CNBD2: variants seen among roughly 807,000 people sequenced by gnomAD.
CNBD2 encodes cyclic nucleotide binding domain containing 2.
Under a neutral mutation model 63.7 loss-of-function variants are expected in CNBD2, and 64 were observed. The observed-to-expected ratio is 1.00, with a 90% CI of 0.82 to 1.24. The LOEUF is 1.24. Among genes scored for constraint, CNBD2 ranks in the 50% most tolerant of loss-of-function variants. The probability of loss-of-function intolerance (pLI) is 0.00; values close to 1 mark genes in which losing one functional copy is unlikely to be tolerated. For synonymous variants in CNBD2, 229 were observed against 255.4 expected (o/e 0.90, Z 0.99); for missense variants, 691 against 713.5 (o/e 0.97, Z 0.36).
chr20:36,027,276 A>T (rs2057293424), intron 11 of CNBD2, among the ~76,000 whole-genome samples: 1 of 152,158 alleles, frequency 6.6e-6, no homozygotes, highest in African/African-American at 2.4e-5. Context: ...CCAATGGTAG[A>T]GAAAGGGGGT....
At chr20:36,009,948 G>C (rs957999819) in intron 9 of CNBD2, among the ~76,000 whole-genome samples, 2 of 151,524 alleles carry the variant, frequency 1.3e-5, no homozygotes, top group Non-Finnish European at 2.9e-5. Flanking sequence ...GAAAACCAAG[G>C]TACGGGGAGA....
Position 35,995,110 on chromosome 20 carries a change from C to T in CNBD2, c.928C>T (p.Leu310=), listed in dbSNP as rs968709746. Reference sequence around the variant, plus strand: ...CTACCGTAGATGGATCTGGCAGCACCTGGAGCTGATAGATGGCAGACCTCT... The same window carrying T: ...CTACCGTAGATGGATCTGGCAGCACTTGGAGCTGATAGATGGCAGACCTCT... ...PSYRRWIWQH[L]ELIDGRPLKT... is the part of the protein sequence containing the mutation. The change falls in exon 8 of 12, where the codon CTG becomes TTG. Residue 310 remains leucine (L), a synonymous_variant. Transcript: ENST00000373973. 1.1e-5 allele frequency: 17 copies of T among 1,613,962 alleles called. No individual in the cohort carries two copies. Among genetic ancestry groups the T allele is most frequent in the Admixed American group, 1.7e-5 (1 of 59,990 alleles).
chr20:35,962,257 CTTTTTTTT>C (rs917656604), intron 2 of CNBD2, among the ~76,000 whole-genome samples: 242 of 131,536 alleles, frequency 1.8e-3, no homozygotes, highest in African/African-American at 6.6e-3. Flanking sequence ...TCCCTGCAGT[CTTTTTTTT>C]TTTTTTTTTT....
intron 2 of CNBD2, among the ~76,000 whole-genome samples, chr20:35,963,211 C>T (rs2056321225): frequency 6.6e-6 from 1 of 151,596 alleles, no homozygotes; most frequent in Non-Finnish European, 1.5e-5. Context: ...CATGGTGGTG[C>T]ACACCTGTGG....
chr20:35,989,147 T>C (rs1030117938), intron 7 of CNBD2, among the ~76,000 whole-genome samples: 3 of 152,128 alleles, frequency 2.0e-5, no homozygotes, highest in Non-Finnish European at 4.4e-5. Context: ...TAAGGTGAAG[T>C]GGTTATCCAA....
downstream of CNBD2, among the ~76,000 whole-genome samples, chr20:35,958,398 C>T (rs777585839): frequency 3.3e-5 from 5 of 152,180 alleles, no homozygotes; most frequent in Admixed American, 6.5e-5. Context: ...TGCCACTGCA[C>T]TCCAGCCTGG....
At chr20:35,990,028 T>A (rs2056724414) in intron 7 of CNBD2, among the ~76,000 whole-genome samples, 1 of 152,156 alleles carries the variant, frequency 6.6e-6, no homozygotes, top group East Asian at 1.9e-4. Context: ...TGTTACTGCA[T>A]TTTTACTAGT....
At chr20:35,984,600 C>A (rs2056641523) in intron 5 of CNBD2, 27 bp from the exon 6 acceptor site, 2 of 1,610,162 alleles carry the variant, frequency 1.2e-6, no homozygotes, top group African/African-American at 1.3e-5. Flanking sequence ...TGGCCTCACA[C>A]TTGCCCTTGC....
chr20:36,000,891 G>GCGGCCTTC (rs1246868955), intron 8 of CNBD2, among the ~76,000 whole-genome samples: 2 of 151,518 alleles, frequency 1.3e-5, no homozygotes. Flanking sequence ...AGAGGACCCT[G>GCGGCCTTC]CGGCCTTCCG....
In CNBD2 at chr20:36,027,810, G is replaced by C. The variant is rs534206809; in HGVS notation, c.1440-2547G>C. Among the ~76,000 whole-genome samples, 3 of 152,040 alleles carry C rather than the reference G, an allele frequency of 2.0e-5. No individual in the cohort carries two copies. In the East Asian group the frequency reaches 5.8e-4, roughly 29 times the overall value. ...TCTGCCTCAGCCTCCCAAGTAGATG[G>C]GATTACAGGCGCCGCCACCACACCT... On this transcript the variant is annotated intron_variant, in intron 11 of 11. Coordinates refer to ENST00000373973, the MANE Select transcript of CNBD2 (RefSeq NM_001365709.1).
At position 36,011,130 on chromosome 20, in the gene CNBD2, A is replaced by T. The variant is rs372581104; in HGVS notation, c.1149-7A>T. On this transcript the variant is annotated splice_region_variant and splice_polypyrimidine_tract_variant and intron_variant, in intron 9 of 11. Transcript: ENST00000373973. ...GATGAGCTCTCTAACAAGCTGTCACATTTCAGATCCAGGCCTGCTCAGTCG... is the reference window on the plus strand; with the variant it reads ...GATGAGCTCTCTAACAAGCTGTCACTTTTCAGATCCAGGCCTGCTCAGTCG... 2 of 1,528,720 alleles carry T rather than the reference A, an allele frequency of 1.3e-6. No individual in the cohort carries two copies. The highest frequency in any genetic ancestry group is 2.0e-5 in the Admixed American group (1 of 50,866). 94.7% of individuals were successfully genotyped at this position (1,528,720 alleles called of 1,614,324 possible). A position where few individuals can be genotyped will look rare whatever the true frequency, so the allele number is the denominator to read the frequency against.
rs1446878834 is a variant in CNBD2, at chr20:35,980,601, C to A, written c.386C>A (p.Ala129Asp). 3 of 1,613,604 alleles carry A rather than the reference C, an allele frequency of 1.9e-6. No individual in the cohort carries two copies. Among genetic ancestry groups the A allele is most frequent in the Non-Finnish European group, 2.5e-6 (3 of 1,180,016 alleles). The change falls in exon 4 of 12, where the codon GCC becomes GAC. Residue 129 changes from alanine (A) to aspartate (D), a missense_variant. Physicochemically the swap from Ala to Asp is moderately radical, Grantham distance 126. Coordinates refer to ENST00000373973, the MANE Select transcript of CNBD2 (RefSeq NM_001365709.1). The part of the protein sequence containing the change: ...NYAEPLQLLL[A>D]KVMRFERFGR... Reference sequence around the variant, plus strand: ...GCAGAGCCCCTGCAGCTGCTCCTGGCCAAAGTCATGCGCTTTGAACGGTCA... The same window carrying A: ...GCAGAGCCCCTGCAGCTGCTCCTGGACAAAGTCATGCGCTTTGAACGGTCA...
chr20:36,011,440 A>G (rs2057060023), intron 10 of CNBD2, among the ~76,000 whole-genome samples, 183 bp downstream of exon 10: 1 of 152,190 alleles, frequency 6.6e-6, no homozygotes, highest in Non-Finnish European at 1.5e-5. Context: ...TAATCCCAGC[A>G]CTATGAGAGG....
intron 10 of CNBD2, among the ~76,000 whole-genome samples, chr20:36,012,989 G>A (rs2057082933): frequency 6.6e-6 from 1 of 152,116 alleles, no homozygotes; most frequent in Non-Finnish European, 1.5e-5. Flanking sequence ...GGATGAATAG[G>A]TGAAGCACAG....
chr20:35,997,241 C>T (rs1467145563), intron 8 of CNBD2, among the ~76,000 whole-genome samples: 1 of 152,114 alleles, frequency 6.6e-6, no homozygotes, highest in Non-Finnish European at 1.5e-5. Context: ...TGGCATGCTT[C>T]CCCCCACTTC....
chr20:35,958,712 A>G (rs2056281666), downstream of CNBD2: 1 of 152,164 alleles, frequency 6.6e-6, no homozygotes, highest in Non-Finnish European at 1.5e-5. Context: ...CTACCACAAT[A>G]TCTAGAACTG....
chr20:36,003,570 T>A (rs1234985391), intron 8 of CNBD2, among the ~76,000 whole-genome samples: 1 of 152,196 alleles, frequency 6.6e-6, no homozygotes, highest in African/African-American at 2.4e-5. Context: ...TTCTAGTTAT[T>A]GGGAAAAGGA....
upstream of CNBD2, among the ~76,000 whole-genome samples, chr20:35,966,839 C>T (rs1412037027): frequency 6.6e-6 from 1 of 152,178 alleles, no homozygotes; most frequent in African/African-American, 2.4e-5. Flanking sequence ...AATGAGTTAT[C>T]TTTTTAAATC....
rs1568878348 is a variant in CNBD2, at chr20:35,987,547, G to C, written c.855+14G>C. 12 of 1,613,958 alleles carry C rather than the reference G, an allele frequency of 7.4e-6. No individual in the cohort carries two copies. The highest frequency in any genetic ancestry group is 1.0e-5 in the Non-Finnish European group (12 of 1,179,948). On this transcript the variant is annotated intron_variant, in intron 7 of 11. Transcript: ENST00000373973. ...TTTATCAGCAAGGTGAAAAGTCTGG[G>C]GGTTGGGATGAGGGTGAACCTCTGA... is the stretch of plus-strand genomic sequence containing the variant.
Sources: allele counts gnomAD v4.1 joint callset (sites outside exome capture counted in the v4.1 genomes callset), GRCh38; gene constraint gnomAD v4.1.1; transcripts MANE v1.5; gene names NCBI Gene and HGNC (gene_info 2026-07-23, HGNC 2026-07-21).